The following HCN1 variants were observed in gnomAD, a reference collection of about 807,000 sequenced individuals.
The protein encoded by HCN1 is potassium/sodium hyperpolarization-activated cyclic nucleotide-gated channel 1.
HCN1 carries 13 observed loss-of-function variants against 78.9 expected under a neutral mutation model. The observed-to-expected ratio is 0.16, with a 90% CI of 0.11 to 0.26. The LOEUF (loss-of-function observed/expected upper bound fraction) is 0.26. HCN1 is among the 10% of genes least tolerant of loss of function. The pLI is 1.00. For synonymous variants in HCN1, 552 were observed against 455.5 expected (o/e 1.21, Z -2.70); for missense variants, 810 against 1,154.3 (o/e 0.70, Z 4.32).
chr5:45,688,610 G>T (rs191891574), intron 1 of HCN1, among the ~76,000 whole-genome samples: 1 of 152,026 alleles, frequency 6.6e-6, no homozygotes, highest in Non-Finnish European at 1.5e-5. Context: ...TTTATTACAG[G>T]TCTGTTATGA....
intron 5 of HCN1, among the ~76,000 whole-genome samples, chr5:45,307,359 G>A (rs955179459): frequency 3.3e-5 from 5 of 152,078 alleles, no homozygotes; most frequent in African/African-American, 1.2e-4. Flanking sequence ...CATTGAGCAT[G>A]GGGACTTCCT....
rs111543631 is a variant in HCN1, at chr5:45,384,873, A to G, written c.1230+11619T>C. 2.6e-5 allele frequency among the ~76,000 whole-genome samples: 4 copies of G among 152,288 alleles called. 1 individual carries two copies. Among genetic ancestry groups the G allele is most frequent in the African/African-American group, 9.6e-5 (4 of 41,582 alleles). ...AGGTATAAATGTGGAATCTAATTTA[A>G]TCTCTTTGGATCTCAGTTTTCTTAT... On this transcript the variant is annotated intron_variant, in intron 4 of 7. Coordinates refer to ENST00000303230, the MANE Select transcript of HCN1 (RefSeq NM_021072.4).
intron 1 of HCN1, among the ~76,000 whole-genome samples, chr5:45,647,182 A>G (rs189804561): frequency 1.2e-3 from 177 of 152,280 alleles, no homozygotes; most frequent in African/African-American, 4.1e-3. Context: ...CTTGCCTGCA[A>G]TTTTTGAAAC....
rs1020409991 is a variant in HCN1 at position 45,352,584 on chromosome 5, G to C, written c.1377+516C>G. On this transcript the variant is annotated intron_variant, in intron 5 of 7. Transcript: ENST00000303230. ...AAGAGCAAGTTATTTTGGTCCAGGA[G>C]TGATCTGAATATTCTAGTGGGAAGA... Among the ~76,000 whole-genome samples, 4 of 151,970 alleles carry C rather than the reference G, an allele frequency of 2.6e-5. No individual in the cohort carries two copies. In the East Asian group the frequency reaches 7.7e-4, roughly 29 times the overall value.
intron 5 of HCN1, among the ~76,000 whole-genome samples, chr5:45,304,100 C>G (rs1321487272): frequency 1.3e-5 from 2 of 151,994 alleles, no homozygotes; most frequent in African/African-American, 4.8e-5. Flanking sequence ...ATATGAAAGT[C>G]TCAACTTTTT....
In HCN1 at chr5:45,262,635, A is replaced by G; in HGVS notation, c.1959T>C (p.Thr653=). 5.6e-6 allele frequency: 9 copies of G among 1,613,964 alleles called. No homozygotes were observed. Among genetic ancestry groups the G allele is most frequent in the Non-Finnish European group, 7.6e-6 (9 of 1,179,994 alleles). The part of the protein sequence containing the change: ...QMTTLNSTSS[T]TTPTSRMRTQ... ...TCCTCATGCGGGAGGTCGGGGTCGT[A>G]GTAGACGATGTGGAATTCAGGGTTG... is the stretch of plus-strand genomic sequence containing the variant. The change falls in exon 8 of 8, where the codon ACT becomes ACC. Residue 653 remains threonine (T), a synonymous_variant. Transcript: ENST00000303230.
intron 2 of HCN1, chr5:45,576,398 C>T (rs191507560): frequency 2.0e-5 from 3 of 152,224 alleles, no homozygotes; most frequent in Middle Eastern, 3.4e-3. Flanking sequence ...AGAAGTTCTA[C>T]CATGTGTAAA....
intron 6 of HCN1, among the ~76,000 whole-genome samples, chr5:45,291,201 T>C (rs979994234): frequency 1.1e-4 from 16 of 152,052 alleles, no homozygotes; most frequent in African/African-American, 3.9e-4. Flanking sequence ...CTTCTCTACC[T>C]CCAATAACTT....
chr5:45,365,679 T>C (rs1747220892), intron 4 of HCN1, among the ~76,000 whole-genome samples: 1 of 151,896 alleles, frequency 6.6e-6, no homozygotes. Context: ...TTTATACAAT[T>C]ATTTATTTCT....
At chr5:45,520,898 A>G (rs1449681562) in intron 2 of HCN1, among the ~76,000 whole-genome samples, 1 of 152,030 alleles carries the variant, frequency 6.6e-6, no homozygotes, top group Admixed American at 6.6e-5. Context: ...CATAAAGGAT[A>G]AACAAGTCTC....
At chr5:45,326,548 C>A (rs889731420) in intron 5 of HCN1, among the ~76,000 whole-genome samples, 1 of 151,592 alleles carries the variant, frequency 6.6e-6, no homozygotes, top group Non-Finnish European at 1.5e-5. Context: ...CAAACTTTAG[C>A]ATTTTTCACT....
intron 5 of HCN1, among the ~76,000 whole-genome samples, chr5:45,333,665 T>C (rs1460921977): frequency 2.0e-5 from 3 of 151,824 alleles, no homozygotes; most frequent in African/African-American, 7.2e-5. Context: ...TTTTTGTATA[T>C]GGCTAGAGAT....
At chr5:45,374,178 T>TTA (rs1747536841) in intron 4 of HCN1, among the ~76,000 whole-genome samples, 1 of 110,670 alleles carries the variant, frequency 9.0e-6, no homozygotes, top group African/African-American at 3.5e-5. Context: ...ATAATATATA[T>TTA]TATATATTAT....
intron 3 of HCN1, among the ~76,000 whole-genome samples, chr5:45,413,325 C>T (rs1036874125): frequency 6.6e-6 from 1 of 151,780 alleles, no homozygotes; most frequent in Non-Finnish European, 1.5e-5. Context: ...TATGATTTAC[C>T]TGAATTCAAC....
chr5:45,343,036 A>C (rs573099495), intron 5 of HCN1, among the ~76,000 whole-genome samples: 1 of 152,320 alleles, frequency 6.6e-6, no homozygotes, highest in South Asian at 2.1e-4. Flanking sequence ...AATAGAAATA[A>C]ATAGGTATTA....
At chr5:45,381,083 T>C (rs1747799443) in intron 4 of HCN1, among the ~76,000 whole-genome samples, 1 of 152,154 alleles carries the variant, frequency 6.6e-6, no homozygotes, top group Non-Finnish European at 1.5e-5. Context: ...TTCAATTTCT[T>C]AAAGTTAATT....
At position 45,271,246 on chromosome 5, in the gene HCN1, T is replaced by G. The variant is rs185106974; in HGVS notation, c.1619-3993A>C. Among the ~76,000 whole-genome samples the G allele has an allele frequency of 5.1e-3, 770 of 152,110 alleles. 1 individual carries two copies. The highest frequency in any genetic ancestry group is 8.8e-3 in the Non-Finnish European group (595 of 67,962). ...AATGTACTTATTTTACCTTTTGTAG[T>G]TTGTGGGATCAACACTGATATTCTA... On this transcript the variant is annotated intron_variant, in intron 6 of 7. Transcript: ENST00000303230.
intron 2 of HCN1, among the ~76,000 whole-genome samples, chr5:45,561,032 A>C (rs1242447745): frequency 3.3e-5 from 5 of 152,086 alleles, no homozygotes; most frequent in African/African-American, 1.2e-4. Context: ...CTTTGTTTCT[A>C]CTTAGAGTGC....
chr5:45,481,653 G>A (rs1741653049), intron 2 of HCN1, among the ~76,000 whole-genome samples: 1 of 152,188 alleles, frequency 6.6e-6, no homozygotes, highest in Non-Finnish European at 1.5e-5. Flanking sequence ...GATCTAGAGT[G>A]AATAGTGAGA....
Sources: allele counts gnomAD v4.1 joint callset (sites outside exome capture counted in the v4.1 genomes callset), GRCh38; gene constraint gnomAD v4.1.1; transcripts MANE v1.5; gene names NCBI Gene and HGNC (gene_info 2026-07-23, HGNC 2026-07-21).